Variants in NELL2 observed in about 807,000 individuals in gnomAD.
NELL2 encodes neural EGFL like 2.
In NELL2, 41 loss-of-function variants were observed where a neutral mutation model predicts 109.6. The ratio of observed to expected loss-of-function variants is 0.37; its 90% CI spans 0.29 to 0.49. The LOEUF (loss-of-function observed/expected upper bound fraction) is 0.49, where lower values mean the gene tolerates loss of function less well. Among genes scored for constraint, NELL2 ranks in the 20% least tolerant of loss-of-function variants. The pLI, the probability that NELL2 is intolerant of heterozygous loss-of-function variation, is 0.98. For synonymous variants in NELL2, 355 were observed against 344.7 expected, an observed-to-expected ratio of 1.03 and a Z score of -0.33; for missense variants, 900 against 1,008.3, an observed-to-expected ratio of 0.89 and a Z score of 1.45.
intron 2 of NELL2, among the ~76,000 whole-genome samples, chr12:44,825,597 T>C (rs1222031151): frequency 1.3e-5 from 2 of 150,402 alleles, no homozygotes; most frequent in South Asian, 4.2e-4. Flanking sequence ...GTTTTCACCA[T>C]GTTAGCAAAG....
intron 9 of NELL2, among the ~76,000 whole-genome samples, chr12:44,725,482 G>A (rs1566245893): frequency 6.6e-6 from 1 of 152,138 alleles, no homozygotes; most frequent in East Asian, 1.9e-4. Context: ...CTCCCATTCA[G>A]CCCAGCAATC....
intron 16 of NELL2, among the ~76,000 whole-genome samples, chr12:44,526,844 A>G (rs1318992354): frequency 6.6e-6 from 1 of 152,114 alleles, no homozygotes; most frequent in African/African-American, 2.4e-5. Flanking sequence ...AAGTAGTTGG[A>G]TATGTGTGTG....
intron 11 of NELL2, among the ~76,000 whole-genome samples, chr12:44,706,045 C>T (rs1436010109): frequency 1.3e-5 from 2 of 152,128 alleles, no homozygotes; most frequent in Non-Finnish European, 2.9e-5. Context: ...CTCATCTCAG[C>T]ATTAAACATC....
intron 9 of NELL2, among the ~76,000 whole-genome samples, chr12:44,725,720 G>T (rs541961323): frequency 3.7e-4 from 57 of 152,234 alleles, no homozygotes; most frequent in African/African-American, 1.3e-3. Flanking sequence ...GGAGCTGGAG[G>T]CTCTTATCCT....
intron 2 of NELL2, among the ~76,000 whole-genome samples, chr12:44,872,904 T>A (rs1945206083): frequency 6.6e-6 from 1 of 152,164 alleles, no homozygotes; most frequent in Admixed American, 6.5e-5. Flanking sequence ...TATTTTTTTC[T>A]CTCTAAAGCC....
At chr12:44,884,257 A>G (rs1945446728) in intron 1 of NELL2, among the ~76,000 whole-genome samples, 1 of 151,956 alleles carries the variant, frequency 6.6e-6, no homozygotes, top group Non-Finnish European at 1.5e-5. Context: ...GAATAACAAA[A>G]GGGTTCACAA....
intron 1 of NELL2, among the ~76,000 whole-genome samples, chr12:44,920,646 T>C (rs1364182876): frequency 6.6e-6 from 1 of 152,214 alleles, no homozygotes; most frequent in African/African-American, 2.4e-5. Flanking sequence ...TATCACATAA[T>C]AAAAAGGCAA....
chr12:44,666,273 CCATAAGAAGCACTGCTACT>C (rs1403013520), intron 12 of NELL2, among the ~76,000 whole-genome samples: 1 of 152,118 alleles, frequency 6.6e-6, no homozygotes, highest in Non-Finnish European at 1.5e-5. Context: ...GGATGCTAAC[CCATAAGAAGCACTGCTACT>C]CATTGTGAAG....
intron 13 of NELL2, among the ~76,000 whole-genome samples, chr12:44,620,168 C>G (rs1426068167): frequency 6.8e-6 from 1 of 146,012 alleles, no homozygotes; most frequent in Non-Finnish European, 1.5e-5. Flanking sequence ...AGTAAAAAGT[C>G]AAAATATAAA....
At chr12:44,865,257 A>G (rs1156501702) in intron 2 of NELL2, among the ~76,000 whole-genome samples, 1 of 133,404 alleles carries the variant, frequency 7.5e-6, no homozygotes, top group Non-Finnish European at 1.6e-5. Context: ...TTCATTGTAG[A>G]TTCTGGATAT....
At chr12:44,824,272 T>C (rs1366284944) in intron 2 of NELL2, among the ~76,000 whole-genome samples, 1 of 152,238 alleles carries the variant, frequency 6.6e-6, no homozygotes, top group Non-Finnish European at 1.5e-5. Flanking sequence ...TTTAGTTTGG[T>C]GCAATCTCAT....
Position 44,562,824 on chromosome 12 carries a change from C to T in NELL2, c.1664-30103G>A, listed in dbSNP as rs927459903. Among the ~76,000 whole-genome samples, 6 of 152,174 alleles carry T rather than the reference C, an allele frequency of 3.9e-5. No homozygotes were observed. In the East Asian group the frequency reaches 1.2e-3, roughly 29 times the overall value. ...CAGCAATCCCATTACTGGGCATATA[C>T]CCAAAGGATTATAAATTATTCTACT... is the stretch of plus-strand genomic sequence containing the variant. On this transcript the variant is annotated intron_variant, in intron 15 of 19. Transcript: ENST00000429094.
At chr12:44,587,927 G>A (rs563603870) in intron 15 of NELL2, among the ~76,000 whole-genome samples, 2 of 152,136 alleles carry the variant, frequency 1.3e-5, no homozygotes, top group South Asian at 2.1e-4. Context: ...CAAGGCGGGC[G>A]GATCACGAGG....
At chr12:44,821,326 T>G (rs1943536128) in intron 2 of NELL2, among the ~76,000 whole-genome samples, 3 of 152,162 alleles carry the variant, frequency 2.0e-5, no homozygotes, top group Non-Finnish European at 4.4e-5. Flanking sequence ...CCAGTATTCT[T>G]TCCACTAAAT....
chr12:44,909,591 A>G (rs1945756447), intron 1 of NELL2, among the ~76,000 whole-genome samples: 1 of 151,970 alleles, frequency 6.6e-6, no homozygotes, highest in Admixed American at 6.6e-5. Flanking sequence ...AAAAAATTCT[A>G]AAATTCATAT....
intron 1 of NELL2, among the ~76,000 whole-genome samples, chr12:44,909,742 GACACAC>G (rs71435995): frequency 3.5e-5 from 5 of 144,530 alleles, no homozygotes; most frequent in South Asian, 2.2e-4. Flanking sequence ...CACAGACACA[GACACAC>G]ACACACACAC....
chr12:44,736,562 T>C lies in NELL2; in HGVS notation c.995-21821A>G, dbSNP rs1018690020. On this transcript the variant is annotated intron_variant, in intron 9 of 19. Transcript: ENST00000429094. ...TGAGTAAACATCAGAATTGTACATA[T>C]GTGCTTTCTTAATGAAGCCAGGCTT... 7.9e-5 allele frequency among the ~76,000 whole-genome samples: 12 copies of C among 151,232 alleles called. 1 individual carries two copies. The highest frequency in any genetic ancestry group is 1.5e-4 in the Non-Finnish European group (10 of 67,912).
rs1470170883 is a variant in NELL2 at position 44,644,596 on chromosome 12, A to ATG, written c.1444+20887_1444+20888insCA. ...CAAAGTAAAGTATATATATATATAT[A>ATG]TATATATGTATGTATATATATATAT... On this transcript the variant is annotated intron_variant, in intron 13 of 19. Transcript: ENST00000429094. 1.1e-3 allele frequency among the ~76,000 whole-genome samples: 95 copies of ATG among 82,836 alleles called. 1 individual carries two copies. In the Middle Eastern group the frequency reaches 0.019, roughly 16 times the overall value. 54.3% of individuals were successfully genotyped at this position (82,836 alleles called of 152,430 possible). A position where few individuals can be genotyped will look rare whatever the true frequency, so the allele number is the denominator to read the frequency against.
At chr12:44,576,050 T>C (rs1294664752) in intron 15 of NELL2, among the ~76,000 whole-genome samples, 1 of 152,196 alleles carries the variant, frequency 6.6e-6, no homozygotes, top group African/African-American at 2.4e-5. Flanking sequence ...AAATGTGCCA[T>C]GCTGTCCCCA....
Sources: gnomAD v4.1 joint callset for allele counts (sites outside exome capture counted in the v4.1 genomes callset) on GRCh38, gnomAD v4.1.1 for gene constraint, MANE v1.5 for transcripts, NCBI Gene and HGNC (gene_info 2026-07-23, HGNC 2026-07-21) for gene names.